The following IKBKB variants were observed in gnomAD, a reference collection of about 807,000 sequenced individuals.
IKBKB encodes the protein inhibitor of nuclear factor kappa B kinase subunit beta.
IKBKB carries 42 observed loss-of-function variants against 113.6 expected under a neutral mutation model. That is an observed-to-expected ratio of 0.37 (90% CI 0.29 to 0.48). The LOEUF (loss-of-function observed/expected upper bound fraction) is 0.48, where lower values mean the gene tolerates loss of function less well. Among genes scored for constraint, IKBKB ranks in the 20% least tolerant of loss-of-function variants. IKBKB has a pLI of 0.99. For synonymous variants in IKBKB, 296 were observed against 361.3 expected, an observed-to-expected ratio of 0.82 and a Z score of 2.05; for missense variants, 673 against 939.7, an observed-to-expected ratio of 0.72 and a Z score of 3.71.
At chr8:42,329,506 T>G in intron 21 of IKBKB, 1 of 869,222 alleles carries the variant, frequency 1.2e-6, no homozygotes, top group South Asian at 5.3e-5. Flanking sequence ...CAGTGTATAT[T>G]TATAATTTTC....
intron 5 of IKBKB, among the ~76,000 whole-genome samples, chr8:42,302,811 A>G (rs1317517459): frequency 6.6e-6 from 1 of 151,942 alleles, no homozygotes; most frequent in Non-Finnish European, 1.5e-5. Context: ...AGAGATACTC[A>G]TCATGTATAG....
At chr8:42,323,443 C>T (rs866539702) in intron 19 of IKBKB, among the ~76,000 whole-genome samples, 10 of 152,210 alleles carry the variant, frequency 6.6e-5, no homozygotes, top group African/African-American at 1.4e-4. Context: ...AGAACTGAGA[C>T]GGGCAGGCCT....
At chr8:42,274,086 A>G (rs1808403185) in intron 2 of IKBKB, among the ~76,000 whole-genome samples, 1 of 151,700 alleles carries the variant, frequency 6.6e-6, no homozygotes, top group Non-Finnish European at 1.5e-5. Context: ...GCTGGAGTGC[A>G]GTGGTGTGAT....
intron 2 of IKBKB, among the ~76,000 whole-genome samples, chr8:42,284,322 C>T (rs1252250403): frequency 6.6e-6 from 1 of 152,140 alleles, no homozygotes; most frequent in African/African-American, 2.4e-5. Context: ...GTGGCTCACA[C>T]CTGTAATCCC....
intron 2 of IKBKB, among the ~76,000 whole-genome samples, chr8:42,278,942 C>G (rs1011975977): frequency 1.3e-5 from 2 of 151,722 alleles, no homozygotes; most frequent in Admixed American, 1.3e-4. Context: ...TGCAGTGAGT[C>G]GAGATCGTGC....
At chr8:42,296,043 C>A (rs1315367578) in intron 5 of IKBKB, among the ~76,000 whole-genome samples, 1 of 152,202 alleles carries the variant, frequency 6.6e-6, no homozygotes, top group African/African-American at 2.4e-5. Context: ...CTGTAGGTTG[C>A]TGATTCTCTG....
chr8:42,298,573 C>T (rs1245063106), intron 5 of IKBKB: 1 of 747,800 alleles, frequency 1.3e-6, no homozygotes, highest in Non-Finnish European at 1.6e-6. Context: ...AGCAAAAGAT[C>T]ATTTGCACAT....
rs2130744727 is a variant in IKBKB, at chr8:42,331,095, C to G, written c.*116C>G. 2.0e-6 allele frequency: 3 copies of G among 1,489,096 alleles called. No individual in the cohort carries two copies. The highest frequency in any genetic ancestry group is 2.3e-5 in the East Asian group (1 of 43,030). 92.2% of individuals were successfully genotyped at this position (1,489,096 alleles called of 1,614,324 possible). A position where few individuals can be genotyped will look rare whatever the true frequency, so the allele number is the denominator to read the frequency against. On this transcript the variant is annotated 3_prime_UTR_variant, in exon 22 of 22. Transcript: ENST00000520810. ...AGCAGGCCGCGTGACGTGGGGCTGC[C>G]TGGCCGCGGCTCTCACATGGTGGTT...
Position 42,318,538 on chromosome 8 carries a change from G to A in IKBKB, c.1241-14G>A. 6.2e-7 allele frequency: 1 copy of A among 1,611,236 alleles called. No individual in the cohort carries two copies. The highest frequency in any genetic ancestry group is 8.5e-7 in the Non-Finnish European group (1 of 1,178,218). The stretch of plus-strand genomic sequence containing the variant: ...TGGTTATTCTTTGACAATTGCTTGT[G>A]TCTCTGTCTCCAGTTCAAGAGCCCA... On this transcript the variant is annotated splice_polypyrimidine_tract_variant and intron_variant, in intron 12 of 21. Coordinates refer to ENST00000520810, the MANE Select transcript of IKBKB (RefSeq NM_001556.3).
intron 5 of IKBKB, among the ~76,000 whole-genome samples, chr8:42,300,657 T>C (rs973175068): frequency 1.3e-5 from 2 of 152,154 alleles, no homozygotes; most frequent in African/African-American, 4.8e-5. Flanking sequence ...TCTTCAGTTA[T>C]GTGTTTGTGC....
At position 42,271,652 on chromosome 8, in the gene IKBKB, C is replaced by A. The variant is rs536842846; in HGVS notation, c.-19+183C>A. ...GAAACAGCTCTCCCTGGGGTGGCTT[C>A]TTGGGGGTGGGTGGCTTTGAGGGGA... On this transcript the variant is annotated intron_variant, in intron 1 of 21. Transcript: ENST00000520810. 1.1e-5 allele frequency: 6 copies of A among 539,150 alleles called. No homozygotes were observed. The South Asian group carries it at 1.4e-4, about 13-fold the overall frequency. The allele number at this position is 539,150 out of a possible 1,614,324, so 33.4% of individuals were successfully genotyped here.
intron 20 of IKBKB, among the ~76,000 whole-genome samples, chr8:42,328,247 C>CTTTT (rs59970761): frequency 7.5e-6 from 1 of 132,536 alleles, no homozygotes; most frequent in African/African-American, 2.8e-5. Flanking sequence ...GCACCCGGCC[C>CTTTT]TTTTTTTTTT....
Position 42,316,163 on chromosome 8 carries a change from A to G in IKBKB, c.801-47A>G. 2 of 1,606,962 alleles carry G rather than the reference A, an allele frequency of 1.2e-6. No homozygotes were observed. The highest frequency in any genetic ancestry group is 1.7e-6 in the Non-Finnish European group (2 of 1,175,900). ...TACTGGGAGACGCACACTGTAGCCC[A>G]ACATTGGCTGGAAGTGTCTCCTCAC... On this transcript the variant is annotated intron_variant, in intron 9 of 21. Coordinates refer to ENST00000520810, the MANE Select transcript of IKBKB (RefSeq NM_001556.3). This position sits in a 1 kb window ranked among gnomAD's most constrained non-coding sequence, Gnocchi z 4.5.
At chr8:42,271,689 A>C (rs182070889) in intron 1 of IKBKB, 1 of 522,054 alleles carries the variant, frequency 1.9e-6, no homozygotes, top group African/African-American at 2.0e-5. Context: ...CCTGCGATTT[A>C]TGGGAACATT....
At chr8:42,276,761 C>A (rs1396430723) in intron 2 of IKBKB, among the ~76,000 whole-genome samples, 1 of 150,170 alleles carries the variant, frequency 6.7e-6, no homozygotes, top group Non-Finnish European at 1.5e-5. Context: ...CAGGTGCGAT[C>A]TCGGGTCACT....
intron 7 of IKBKB, 136 bp downstream of exon 7, chr8:42,306,568 C>G (rs556148645): frequency 3.1e-6 from 2 of 642,224 alleles, no homozygotes; most frequent in East Asian, 5.6e-5. Context: ...GAGGTCACAC[C>G]CATAACCTGG....
At chr8:42,299,414 C>G (rs1162020308) in intron 5 of IKBKB, among the ~76,000 whole-genome samples, 1 of 152,196 alleles carries the variant, frequency 6.6e-6, no homozygotes, top group Non-Finnish European at 1.5e-5. Context: ...GGCCCAGCCC[C>G]TTCGCCGTAC....
intron 1 of IKBKB, 43 bp downstream of exon 1, chr8:42,271,512 C>A: frequency 1.5e-6 from 1 of 659,604 alleles, no homozygotes; most frequent in Non-Finnish European, 2.5e-6. Flanking sequence ...CACCTGCAGG[C>A]CCCGCCGCCC....
At chr8:42,274,561 T>G (rs1808536038) in intron 2 of IKBKB, among the ~76,000 whole-genome samples, 1 of 147,168 alleles carries the variant, frequency 6.8e-6, no homozygotes, top group Non-Finnish European at 1.5e-5. Context: ...AGACGGAGTT[T>G]TGCTCTTGTC....
Sources: allele counts gnomAD v4.1 joint callset (sites outside exome capture counted in the v4.1 genomes callset), GRCh38; gene constraint gnomAD v4.1.1; non-coding constraint Gnocchi (gnomAD v3.1); transcripts MANE v1.5; gene names NCBI Gene and HGNC (gene_info 2026-07-23, HGNC 2026-07-21).